The following SNTG2 variants were observed in gnomAD, a reference collection of about 807,000 sequenced individuals.
SNTG2 encodes syntrophin gamma 2, also known as gamma-2-syntrophin.
In SNTG2, 74 loss-of-function variants were observed where a neutral mutation model predicts 70.9. That is an observed-to-expected ratio of 1.04 (90% CI 0.86 to 1.27). The LOEUF (loss-of-function observed/expected upper bound fraction) is 1.27, where lower values mean the gene tolerates loss of function less well. SNTG2 is among the 50% of genes most tolerant of loss of function. The pLI is 0.00. For synonymous variants in SNTG2, 278 were observed against 273.8 expected (o/e 1.02, Z -0.15); for missense variants, 717 against 690.7 (o/e 1.04, Z -0.43).
At chr2:1,263,959 G>A (rs1456681480) in intron 13 of SNTG2, among the ~76,000 whole-genome samples, 1 of 151,738 alleles carries the variant, frequency 6.6e-6, no homozygotes, top group Non-Finnish European at 1.5e-5. Flanking sequence ...GCAAGTGATA[G>A]GAAAGAAACA....
intron 16 of SNTG2, among the ~76,000 whole-genome samples, chr2:1,364,480 G>A (rs1475843891): frequency 6.6e-6 from 1 of 151,864 alleles, no homozygotes; most frequent in African/African-American, 2.4e-5. Context: ...ACCCTGGCCG[G>A]GCGCGGTGGC....
intron 14 of SNTG2, among the ~76,000 whole-genome samples, chr2:1,278,540 T>A (rs566511957): frequency 6.6e-6 from 1 of 152,304 alleles, no homozygotes; most frequent in African/African-American, 2.4e-5. Context: ...TTTAAAAAAA[T>A]TTTAGATTCC....
intron 1 of SNTG2, among the ~76,000 whole-genome samples, chr2:1,071,443 T>G (rs1345563751): frequency 7.1e-6 from 1 of 140,858 alleles, no homozygotes; most frequent in African/African-American, 2.7e-5. Context: ...TAGGTGGGAA[T>G]TGAACAATGA....
chr2:1,360,039 A>G lies in SNTG2; in HGVS notation c.1489-7304A>G, dbSNP rs538153758. Among the ~76,000 whole-genome samples, 216 of 123,234 alleles carry G rather than the reference A, an allele frequency of 1.8e-3. 1 individual carries two copies. Among genetic ancestry groups the G allele is most frequent in the African/African-American group, 6.2e-3 (206 of 33,334 alleles). 80.8% of individuals were successfully genotyped at this position (123,234 alleles called of 152,430 possible). A position where few individuals can be genotyped will look rare whatever the true frequency, so the allele number is the denominator to read the frequency against. On this transcript the variant is annotated intron_variant, in intron 16 of 16. Coordinates refer to ENST00000308624, the MANE Select transcript of SNTG2 (RefSeq NM_018968.4). ...CATTTAAGGGCACTGAACAAATTCT[A>G]TCCCATTTTTCCCATAGGAAAAAAA...
chr2:1,337,160 T>C (rs1472567077), intron 16 of SNTG2, among the ~76,000 whole-genome samples: 4 of 152,214 alleles, frequency 2.6e-5, no homozygotes, highest in African/African-American at 9.6e-5. Context: ...ACACAGGTGC[T>C]CAAATATCTG....
In SNTG2 at chr2:1,070,343, G is replaced by A. The variant is rs186376720; in HGVS notation, c.73-13175G>A. On this transcript the variant is annotated intron_variant, in intron 1 of 16. Coordinates refer to ENST00000308624, the MANE Select transcript of SNTG2 (RefSeq NM_018968.4). The stretch of plus-strand genomic sequence containing the variant: ...TGGGCTCCCGTTCAGATGCCATCAC[G>A]TCACCCAAGCTGTGGAACTTCTCGA... 4.5e-4 allele frequency among the ~76,000 whole-genome samples: 69 copies of A among 152,204 alleles called. 1 individual carries two copies. In the East Asian group the frequency reaches 0.013, roughly 29 times the overall value.
intron 1 of SNTG2, among the ~76,000 whole-genome samples, chr2:1,062,068 G>C (rs557070445): frequency 6.6e-6 from 1 of 152,210 alleles, no homozygotes; most frequent in East Asian, 1.9e-4. Flanking sequence ...GAGTGTAATA[G>C]AGGAGAGAAA....
chr2:1,217,482 C>T (rs1270502263), intron 9 of SNTG2, among the ~76,000 whole-genome samples: 1 of 152,196 alleles, frequency 6.6e-6, no homozygotes, highest in Non-Finnish European at 1.5e-5. Context: ...CATAAGCATT[C>T]TTCCTAATGG....
intron 6 of SNTG2, among the ~76,000 whole-genome samples, chr2:1,153,062 T>G (rs909936124): frequency 6.6e-6 from 1 of 151,414 alleles, no homozygotes; most frequent in Non-Finnish European, 1.5e-5. Context: ...AGGCGGAGGT[T>G]GCAGTGAGTC....
At chr2:1,165,033 T>A (rs1670614855) in intron 6 of SNTG2, among the ~76,000 whole-genome samples, 1 of 152,230 alleles carries the variant, frequency 6.6e-6, no homozygotes. Context: ...GTATGTGAGG[T>A]GACTGAAACA....
intron 12 of SNTG2, among the ~76,000 whole-genome samples, chr2:1,250,668 G>A (rs561948484): frequency 4.3e-4 from 61 of 142,804 alleles, no homozygotes; most frequent in African/African-American, 1.6e-3. Flanking sequence ...TGCTCCTCTC[G>A]AGGTCTCTCT....
At chr2:1,015,423 A>G (rs1444010703) in intron 1 of SNTG2, among the ~76,000 whole-genome samples, 2 of 152,218 alleles carry the variant, frequency 1.3e-5, no homozygotes, top group African/African-American at 4.8e-5. Context: ...ACAGAATACA[A>G]GCTGGAAGGA....
Position 1,188,580 on chromosome 2 carries a change from A to G in SNTG2, c.591+15397A>G, listed in dbSNP as rs115693209. Among the ~76,000 whole-genome samples, 509 of 152,336 alleles carry G rather than the reference A, an allele frequency of 3.3e-3. 1 individual carries two copies. The highest frequency in any genetic ancestry group is 4.0e-3 in the Non-Finnish European group (269 of 68,024). The stretch of plus-strand genomic sequence containing the variant: ...CAATAATAATGAGCAATACCAGAAA[A>G]CACATGTTAAGACAAAGTGCATTGT... On this transcript the variant is annotated intron_variant, in intron 8 of 16. Coordinates refer to ENST00000308624, the MANE Select transcript of SNTG2 (RefSeq NM_018968.4).
intron 1 of SNTG2, among the ~76,000 whole-genome samples, chr2:977,754 G>A (rs903640626): frequency 5.9e-5 from 9 of 151,980 alleles, no homozygotes; most frequent in Non-Finnish European, 2.9e-5. Flanking sequence ...GGACCTGCCT[G>A]CGTTGCCAAC....
intron 9 of SNTG2, among the ~76,000 whole-genome samples, chr2:1,212,311 C>T (rs939069740): frequency 2.6e-5 from 4 of 152,154 alleles, no homozygotes; most frequent in Non-Finnish European, 5.9e-5. Context: ...TAAGGTGTCT[C>T]GCTCACCTTC....
At chr2:984,211 C>T (rs1345446249) in intron 1 of SNTG2, among the ~76,000 whole-genome samples, 1 of 151,860 alleles carries the variant, frequency 6.6e-6, no homozygotes, top group Non-Finnish European at 1.5e-5. Flanking sequence ...AAAAATAAGC[C>T]TCACTTATTT....
intron 1 of SNTG2, among the ~76,000 whole-genome samples, chr2:1,021,120 TC>T (rs1361422981): frequency 6.6e-6 from 1 of 152,204 alleles, no homozygotes; most frequent in East Asian, 1.9e-4. Flanking sequence ...TTTGATCTCT[TC>T]CAGTGGGGGC....
chr2:968,142 G>A (rs915614063), intron 1 of SNTG2, among the ~76,000 whole-genome samples: 2 of 151,160 alleles, frequency 1.3e-5, no homozygotes, highest in Non-Finnish European at 3.0e-5. Flanking sequence ...TATTTCAAGC[G>A]TTTTTTTTTA....
chr2:1,082,104 T>G lies in SNTG2; in HGVS notation c.73-1414T>G, dbSNP rs147590223. 4.3e-3 allele frequency among the ~76,000 whole-genome samples: 650 copies of G among 152,210 alleles called. 3 individuals carry two copies. Among genetic ancestry groups the G allele is most frequent in the Non-Finnish European group, 7.0e-3 (479 of 68,000 alleles). ...TTGGGAGGAGCAGATTCTGGCTTGG[T>G]TGGCAGCTTCCCTCGGCGATGGTCT... On this transcript the variant is annotated intron_variant, in intron 1 of 16. Transcript: ENST00000308624.
Sources: allele counts gnomAD v4.1 joint callset (sites outside exome capture counted in the v4.1 genomes callset), GRCh38; gene constraint gnomAD v4.1.1; transcripts MANE v1.5; gene names NCBI Gene and HGNC (gene_info 2026-07-23, HGNC 2026-07-21).